NELL2: variants seen among roughly 807,000 people sequenced by gnomAD.
NELL2 encodes protein kinase C-binding protein NELL2.
NELL2 carries 41 observed loss-of-function variants against 109.6 expected under a neutral mutation model. The observed-to-expected ratio is 0.37, with a 90% CI of 0.29 to 0.49. The LOEUF is 0.49. Among genes scored for constraint, NELL2 ranks in the 20% least tolerant of loss-of-function variants. The pLI, the probability that NELL2 is intolerant of heterozygous loss-of-function variation, is 0.98. For missense variants in NELL2, 900 were observed against 1,008.3 expected, an observed-to-expected ratio of 0.89 and a Z score of 1.45; for synonymous variants, 355 against 344.7, an observed-to-expected ratio of 1.03 and a Z score of -0.33.
chr12:44,845,815 G>C (rs184112123), intron 2 of NELL2, among the ~76,000 whole-genome samples: 2 of 152,288 alleles, frequency 1.3e-5, no homozygotes, highest in East Asian at 3.9e-4. Context: ...GGTTCCATGA[G>C]AGTTATCCTG....
chr12:44,912,490 T>G (rs1464728727), intron 1 of NELL2, among the ~76,000 whole-genome samples: 1 of 152,148 alleles, frequency 6.6e-6, no homozygotes, highest in African/African-American at 2.4e-5. Context: ...TTTTCCAAAC[T>G]AATTTCACAA....
intron 15 of NELL2, among the ~76,000 whole-genome samples, chr12:44,598,328 T>C (rs1341359736): frequency 6.6e-6 from 1 of 151,952 alleles, no homozygotes; most frequent in Non-Finnish European, 1.5e-5. Flanking sequence ...ATGAGAACCC[T>C]TTGGGAAGAA....
chr12:44,829,780 A>G (rs1035428063), intron 2 of NELL2, among the ~76,000 whole-genome samples: 15 of 152,016 alleles, frequency 9.9e-5, no homozygotes, highest in Admixed American at 9.2e-4. Context: ...ATTACCCCAT[A>G]GATAGTACCT....
At chr12:44,822,923 T>C (rs983582331) in intron 2 of NELL2, among the ~76,000 whole-genome samples, 3 of 151,920 alleles carry the variant, frequency 2.0e-5, no homozygotes, top group Non-Finnish European at 2.9e-5. Context: ...TATACATACA[T>C]AGTTAACAAA....
intron 15 of NELL2, among the ~76,000 whole-genome samples, chr12:44,593,226 T>C (rs1466076701): frequency 6.6e-6 from 1 of 152,106 alleles, no homozygotes; most frequent in Non-Finnish European, 1.5e-5. Context: ...TTTTGAAGAA[T>C]TGAAAGTGAC....
In NELL2 at chr12:44,713,085, G is replaced by T. The variant is rs1206772386; in HGVS notation, c.1086+1565C>A. Among the ~76,000 whole-genome samples, 3 of 151,056 alleles carry T rather than the reference G, an allele frequency of 2.0e-5. No individual in the cohort carries two copies. The Admixed American group carries it at 2.0e-4, about 10-fold the overall frequency. On this transcript the variant is annotated intron_variant, in intron 10 of 19. Transcript: ENST00000429094. ...TAAAATCAAATAATCTTATATAATA[G>T]CAAATTTAAAATCCAATAGGCAATT...
At chr12:44,593,028 A>G (rs2136227824) in intron 15 of NELL2, among the ~76,000 whole-genome samples, 1 of 152,326 alleles carries the variant, frequency 6.6e-6, no homozygotes, top group Middle Eastern at 3.4e-3. Context: ...GAGGGGAATG[A>G]AGGAAATGAA....
intron 13 of NELL2, among the ~76,000 whole-genome samples, chr12:44,647,584 G>A (rs781241921): frequency 6.6e-6 from 1 of 152,252 alleles, no homozygotes; most frequent in African/African-American, 2.4e-5. Flanking sequence ...TATTGAAAAT[G>A]TCATTCTGTG....
intron 9 of NELL2, among the ~76,000 whole-genome samples, chr12:44,746,774 G>A (rs1940385877): frequency 6.6e-6 from 1 of 152,162 alleles, no homozygotes; most frequent in African/African-American, 2.4e-5. Flanking sequence ...AGTTAGAATG[G>A]CGATCATTAA....
chr12:44,719,463 A>C (rs768103784), intron 9 of NELL2, among the ~76,000 whole-genome samples: 2 of 152,154 alleles, frequency 1.3e-5, no homozygotes, highest in Non-Finnish European at 1.5e-5. Context: ...ACATTTCCTC[A>C]CTACATATCT....
intron 2 of NELL2, among the ~76,000 whole-genome samples, chr12:44,834,276 TTTTG>T (rs1943978095): frequency 6.6e-6 from 1 of 152,198 alleles, no homozygotes; most frequent in African/African-American, 2.4e-5. Context: ...CATACTCTAA[TTTTG>T]TTTTTCTCAC....
chr12:44,814,527 G>A (rs1186357935), intron 3 of NELL2, among the ~76,000 whole-genome samples: 1 of 152,048 alleles, frequency 6.6e-6, no homozygotes, highest in Non-Finnish European at 1.5e-5. Flanking sequence ...ACCAAAAACA[G>A]ACTGAAGGGA....
At chr12:44,666,343 C>T (rs978108392) in intron 12 of NELL2, among the ~76,000 whole-genome samples, 1 of 152,066 alleles carries the variant, frequency 6.6e-6, no homozygotes, top group Non-Finnish European at 1.5e-5. Context: ...TGAAACTGTC[C>T]TCATTTAATA....
intron 12 of NELL2, among the ~76,000 whole-genome samples, chr12:44,695,290 CAAA>C (rs34087124): frequency 1.1e-4 from 10 of 94,972 alleles, no homozygotes; most frequent in Admixed American, 2.3e-4. Flanking sequence ...GACTCCGTCT[CAAA>C]AAAAAAAAAA....
At chr12:44,636,896 T>C (rs889373076) in intron 13 of NELL2, among the ~76,000 whole-genome samples, 1 of 152,172 alleles carries the variant, frequency 6.6e-6, no homozygotes, top group African/African-American at 2.4e-5. Flanking sequence ...CTTTTTTTGC[T>C]TGGTAGGCTA....
chr12:44,869,079 A>G (rs1029821642), intron 2 of NELL2, among the ~76,000 whole-genome samples: 1 of 152,194 alleles, frequency 6.6e-6, no homozygotes. Context: ...CATCCAAATC[A>G]TCTAAAACAG....
intron 9 of NELL2, among the ~76,000 whole-genome samples, chr12:44,754,157 G>A (rs188974247): frequency 2.0e-5 from 3 of 152,134 alleles, no homozygotes; most frequent in East Asian, 1.9e-4. Flanking sequence ...AAGGAAGAAC[G>A]AGACATCATT....
At position 44,876,135 on chromosome 12, in the gene NELL2, G is replaced by C; in HGVS notation, c.-266C>G. 1 of 1,296,220 alleles carries C rather than the reference G, an allele frequency of 7.7e-7. No individual in the cohort carries two copies. Among genetic ancestry groups the C allele is most frequent in the Non-Finnish European group, 9.8e-7 (1 of 1,021,336 alleles). 80.3% of individuals were successfully genotyped at this position (1,296,220 alleles called of 1,614,324 possible). A position where few individuals can be genotyped will look rare whatever the true frequency, so the allele number is the denominator to read the frequency against. ...GCGCGGCCCGGAGGGGGCCCGGAGG[G>C]AGGGGTCGGACTCGCCCCGGCGCGG... On this transcript the variant is annotated 5_prime_UTR_variant, in exon 1 of 20. Coordinates refer to ENST00000429094, the MANE Select transcript of NELL2 (RefSeq NM_001145108.2).
chr12:44,904,383 T>TA (rs1945696624), intron 1 of NELL2, among the ~76,000 whole-genome samples: 1 of 152,174 alleles, frequency 6.6e-6, no homozygotes, highest in African/African-American at 2.4e-5. Flanking sequence ...GCTAAAGGAA[T>TA]ATGTGTAGAA....
Sources: gnomAD v4.1 joint callset for allele counts (sites outside exome capture counted in the v4.1 genomes callset) on GRCh38, gnomAD v4.1.1 for gene constraint, MANE v1.5 for transcripts, NCBI Gene and HGNC (gene_info 2026-07-23, HGNC 2026-07-21) for gene names.